Variants in GRID2 observed in about 807,000 individuals in gnomAD.
GRID2 encodes the protein glutamate ionotropic receptor delta type subunit 2.
A neutral mutation model predicts 114.8 loss-of-function variants in GRID2; 33 were observed. The ratio of observed to expected loss-of-function variants is 0.29; its 90% confidence interval spans 0.22 to 0.38. The LOEUF (loss-of-function observed/expected upper bound fraction) is 0.38, where lower values mean the gene tolerates loss of function less well. Among genes scored for constraint, GRID2 ranks in the 10% least tolerant of loss-of-function variants. GRID2 has a pLI of 1.00. For synonymous variants in GRID2, 505 were observed against 449.9 expected (o/e 1.12, Z -1.55); for missense variants, 1,184 against 1,257.7 (o/e 0.94, Z 0.89).
At chr4:93,561,544 C>T (rs1029510152) in intron 13 of GRID2, among the ~76,000 whole-genome samples, 2 of 152,068 alleles carry the variant, frequency 1.3e-5, no homozygotes, top group Non-Finnish European at 2.9e-5. Context: ...ACATCATTAT[C>T]GTCCAAAGTC....
chr4:92,456,931 A>G (rs1275723350), intron 1 of GRID2, among the ~76,000 whole-genome samples: 1 of 152,090 alleles, frequency 6.6e-6, no homozygotes, highest in Admixed American at 6.5e-5. Flanking sequence ...TTGTGCCTAA[A>G]ATTCTTAAAT....
At chr4:92,450,002 G>C (rs554533194) in intron 1 of GRID2, among the ~76,000 whole-genome samples, 3 of 151,740 alleles carry the variant, frequency 2.0e-5, no homozygotes, top group Non-Finnish European at 4.4e-5. Flanking sequence ...TTGATTCAGC[G>C]TTTTAATATT....
intron 11 of GRID2, among the ~76,000 whole-genome samples, chr4:93,478,460 T>C (rs997340769): frequency 1.3e-5 from 2 of 151,886 alleles, no homozygotes; most frequent in Non-Finnish European, 2.9e-5. Flanking sequence ...AGTTCTAATT[T>C]GAAATAACAT....
At chr4:92,764,191 T>A (rs1018183642) in intron 2 of GRID2, among the ~76,000 whole-genome samples, 2 of 152,138 alleles carry the variant, frequency 1.3e-5, no homozygotes, top group African/African-American at 4.8e-5. Flanking sequence ...GAGAATTCAG[T>A]TCAGTGACCT....
Position 93,455,749 on chromosome 4 carries a change from G to C in GRID2, c.1633G>C (p.Val545Leu). 5 of 1,611,556 alleles carry C rather than the reference G, an allele frequency of 3.1e-6. No homozygotes were observed. The highest frequency in any genetic ancestry group is 1.7e-4 in the Middle Eastern group (1 of 6,058). ...TACGACACGTTACATGGACTACTCA[G>C]TGGGGGTACTACTTCGAAGGGCTGA... ...DFTTRYMDYS[V>L]GVLLRRAEKT... Residue 545 changes from valine to leucine, a missense_variant, in exon 11 of 16, where the codon GTG (valine) becomes CTG (leucine). Transcript: ENST00000282020.
rs140165814 is a variant in GRID2, at chr4:93,491,785, C to A, written c.1997+1008C>A. Reference sequence around the variant, plus strand: ...TGTAAATTAAATTCATTAGTAGCCACAAAACTATTATAGCATAATACCAAA... The same window carrying A: ...TGTAAATTAAATTCATTAGTAGCCAAAAAACTATTATAGCATAATACCAAA... On this transcript the variant is annotated intron_variant, in intron 12 of 15. Transcript: ENST00000282020. Among the ~76,000 whole-genome samples the A allele has an allele frequency of 2.6e-3, 389 of 151,784 alleles. 2 individuals are homozygous for A. The highest frequency in any genetic ancestry group is 8.7e-3 in the African/African-American group (359 of 41,444).
rs150581644 is a variant in GRID2, at chr4:92,418,092, G to T, written c.88+113348G>T. 1.6e-4 allele frequency among the ~76,000 whole-genome samples: 24 copies of T among 152,208 alleles called. No homozygotes were observed. The East Asian group carries it at 4.6e-3, about 29-fold the overall frequency. On this transcript the variant is annotated intron_variant, in intron 1 of 15. Coordinates refer to ENST00000282020, the MANE Select transcript of GRID2 (RefSeq NM_001510.4). ...CTAATACAGTTATACATGAAGAAAA[G>T]GATCAATACATGGAGCTACTATGTT... is the stretch of plus-strand genomic sequence containing the variant.
intron 13 of GRID2, among the ~76,000 whole-genome samples, chr4:93,520,991 G>A (rs374385765): frequency 1.3e-4 from 20 of 152,086 alleles, no homozygotes; most frequent in African/African-American, 4.3e-4. Flanking sequence ...GACATGAGGC[G>A]GGGGTGGACC....
At chr4:93,438,799 A>G (rs1326111236) in intron 10 of GRID2, among the ~76,000 whole-genome samples, 2 of 151,972 alleles carry the variant, frequency 1.3e-5, no homozygotes, top group Admixed American at 6.6e-5. Flanking sequence ...GTCATTTAGC[A>G]TTAGGTATAT....
At chr4:93,293,010 A>G (rs1413320441) in intron 8 of GRID2, among the ~76,000 whole-genome samples, 1 of 152,096 alleles carries the variant, frequency 6.6e-6, no homozygotes. Flanking sequence ...AACATAAGCA[A>G]TTTTTAAGCA....
At chr4:93,265,436 A>G (rs1346350300) in intron 8 of GRID2, among the ~76,000 whole-genome samples, 1 of 152,194 alleles carries the variant, frequency 6.6e-6, no homozygotes, top group Admixed American at 6.5e-5. Flanking sequence ...TAATTTAGAA[A>G]CTATAGTAAA....
intron 14 of GRID2, among the ~76,000 whole-genome samples, chr4:93,679,599 A>G: frequency 6.6e-6 from 1 of 151,148 alleles, no homozygotes; most frequent in Non-Finnish European, 1.5e-5. Context: ...CAGTGCAATC[A>G]AACTAGAACT....
chr4:92,397,323 T>A (rs1405865032), intron 1 of GRID2, among the ~76,000 whole-genome samples: 1 of 150,436 alleles, frequency 6.6e-6, no homozygotes, highest in African/African-American at 2.4e-5. Flanking sequence ...AAAATTATAA[T>A]AAAACTCTGT....
At chr4:93,356,152 T>C (rs570927610) in intron 8 of GRID2, among the ~76,000 whole-genome samples, 1 of 152,234 alleles carries the variant, frequency 6.6e-6, no homozygotes, top group African/African-American at 2.4e-5. Context: ...CATCTTTCAC[T>C]AACTCACCAC....
At chr4:92,937,719 C>T (rs1750770959) in intron 2 of GRID2, among the ~76,000 whole-genome samples, 1 of 146,668 alleles carries the variant, frequency 6.8e-6, no homozygotes, top group South Asian at 2.3e-4. Flanking sequence ...CTTTCTTTAA[C>T]ATTTACATTT....
Position 93,021,985 on chromosome 4 carries a change from G to C in GRID2, c.245-63010G>C, listed in dbSNP as rs1256770062. Among the ~76,000 whole-genome samples the C allele has an allele frequency of 2.0e-5, 3 of 150,986 alleles. No homozygotes were observed. The East Asian group carries it at 5.8e-4, about 29-fold the overall frequency. On this transcript the variant is annotated intron_variant, in intron 2 of 15. Coordinates refer to ENST00000282020, the MANE Select transcript of GRID2 (RefSeq NM_001510.4). ...TGGTGCAAACATAATTGCAGTTTTT[G>C]CCATTACTTTCATTGGCAAAACCAG...
At chr4:92,598,933 C>G (rs1031031444) in intron 2 of GRID2, among the ~76,000 whole-genome samples, 1 of 151,814 alleles carries the variant, frequency 6.6e-6, no homozygotes. Context: ...ACCTTATTAC[C>G]TGCGTAGTCA....
intron 13 of GRID2, among the ~76,000 whole-genome samples, chr4:93,542,742 C>T (rs1321514234): frequency 6.6e-6 from 1 of 152,146 alleles, no homozygotes; most frequent in Non-Finnish European, 1.5e-5. Flanking sequence ...CACCCAGCCT[C>T]TGCCTTCTTA....
chr4:93,695,881 A>C (rs953719961), intron 14 of GRID2, among the ~76,000 whole-genome samples: 6 of 152,216 alleles, frequency 3.9e-5, no homozygotes, highest in Middle Eastern at 3.2e-3. Context: ...TAATGAGATA[A>C]TGTATTTGAA....
Sources: gnomAD v4.1 joint callset for allele counts (sites outside exome capture counted in the v4.1 genomes callset) on GRCh38, gnomAD v4.1.1 for gene constraint, MANE v1.5 for transcripts, NCBI Gene and HGNC (gene_info 2026-07-23, HGNC 2026-07-21) for gene names.